Variants in ATXN1 observed in about 807,000 individuals in gnomAD.
ATXN1 encodes ataxin-1.
A neutral mutation model predicts 56.4 loss-of-function variants in ATXN1; 8 were observed. That is an observed-to-expected ratio of 0.14 (90% CI 0.08 to 0.26). ATXN1 has a LOEUF of 0.26. Among genes scored for constraint, ATXN1 ranks in the 10% least tolerant of loss-of-function variants. The pLI, the probability that ATXN1 is intolerant of heterozygous loss-of-function variation, is 1.00. For synonymous variants in ATXN1, 514 were observed against 494.6 expected (o/e 1.04, Z -0.52); for missense variants, 987 against 1,106.5 (o/e 0.89, Z 1.53).
In ATXN1 at chr6:16,633,197, TAA is replaced by T. The variant is rs1187779051; in HGVS notation, c.-489+24577_-489+24578del. ...TTAAAAGGAGGCATGTTTCACCTGT[TAA>T]CTTGTTTACTTCATAAGATTCTCTT... On this transcript the variant is annotated intron_variant, in intron 3 of 7. Transcript: ENST00000436367. Among the ~76,000 whole-genome samples, 9 of 152,362 alleles carry T rather than the reference TAA, an allele frequency of 5.9e-5. 2 individuals carry two copies. In the South Asian group the frequency reaches 1.9e-3, roughly 32 times the overall value.
chr6:16,482,002 T>C (rs1760449181), intron 6 of ATXN1, among the ~76,000 whole-genome samples: 1 of 151,086 alleles, frequency 6.6e-6, no homozygotes, highest in Non-Finnish European at 1.5e-5. Flanking sequence ...ACTCTACTGA[T>C]AGGTCTAGAA....
intron 5 of ATXN1, among the ~76,000 whole-genome samples, chr6:16,518,021 T>C (rs1761217741): frequency 6.6e-6 from 1 of 152,238 alleles, no homozygotes; most frequent in African/African-American, 2.4e-5. Context: ...ATACATGCAG[T>C]CCATGAGACC....
intron 5 of ATXN1, among the ~76,000 whole-genome samples, chr6:16,489,404 C>A (rs868622320): frequency 2.6e-5 from 4 of 151,982 alleles, no homozygotes; most frequent in Middle Eastern, 3.4e-3. Context: ...TCCACAAACT[C>A]AAAAAAAATT....
chr6:16,555,187 A>T (rs188420007), intron 4 of ATXN1, among the ~76,000 whole-genome samples: 1 of 151,954 alleles, frequency 6.6e-6, no homozygotes, highest in African/African-American at 2.4e-5. Flanking sequence ...TTTCCTACAA[A>T]CACTCCTTCA....
chr6:16,566,689 T>TA (rs532749176), intron 4 of ATXN1, among the ~76,000 whole-genome samples: 7 of 151,748 alleles, frequency 4.6e-5, no homozygotes, highest in Non-Finnish European at 7.4e-5. Flanking sequence ...CCGTCTCTAC[T>TA]AAAAATACAA....
intron 3 of ATXN1, among the ~76,000 whole-genome samples, chr6:16,595,643 C>G (rs1200986631): frequency 6.6e-6 from 1 of 152,172 alleles, no homozygotes; most frequent in Non-Finnish European, 1.5e-5. Flanking sequence ...TACTGGTTAA[C>G]TACAAAAAGC....
At chr6:16,429,432 T>TG (rs1208458064) in intron 6 of ATXN1, among the ~76,000 whole-genome samples, 1 of 148,328 alleles carries the variant, frequency 6.7e-6, no homozygotes, top group Non-Finnish European at 1.5e-5. Context: ...TTCGTTTTTT[T>TG]TTTTTTTTTT....
intron 6 of ATXN1, among the ~76,000 whole-genome samples, chr6:16,382,211 A>G (rs1306901083): frequency 6.6e-6 from 1 of 151,878 alleles, no homozygotes; most frequent in African/African-American, 2.4e-5. Context: ...CAGGCAGGAG[A>G]ATGGTGTGAA....
At chr6:16,545,561 T>C (rs2113721838) in intron 4 of ATXN1, among the ~76,000 whole-genome samples, 1 of 152,290 alleles carries the variant, frequency 6.6e-6, no homozygotes, top group South Asian at 2.1e-4. Context: ...AACAAACCTA[T>C]TTGCCTACTA....
intron 5 of ATXN1, among the ~76,000 whole-genome samples, chr6:16,490,165 A>C (rs1484488039): frequency 2.6e-5 from 4 of 151,636 alleles, no homozygotes; most frequent in Non-Finnish European, 1.5e-5. Flanking sequence ...AAAACCAAAC[A>C]ACAAAAAACT....
In ATXN1 at chr6:16,518,791, A is replaced by G. The variant is rs548954892; in HGVS notation, c.-299+3836T>C. ...CGCTAGACTGAGAAGTCTGATCCCA[A>G]AGACAAATTCAATACAGTGAATATT... On this transcript the variant is annotated intron_variant, in intron 5 of 7. Coordinates refer to ENST00000436367, the MANE Select transcript of ATXN1 (RefSeq NM_001128164.2). 3.3e-5 allele frequency among the ~76,000 whole-genome samples: 5 copies of G among 152,298 alleles called. No homozygotes were observed. The South Asian group carries it at 6.2e-4, about 19-fold the overall frequency.
chr6:16,416,497 A>T, intron 6 of ATXN1, among the ~76,000 whole-genome samples: 1 of 152,242 alleles, frequency 6.6e-6, no homozygotes, highest in African/African-American at 2.4e-5. Flanking sequence ...CCTGCCTTAC[A>T]GGGCTGTTGT....
chr6:16,756,089 T>C (rs1358459780), intron 1 of ATXN1, among the ~76,000 whole-genome samples: 6 of 152,034 alleles, frequency 3.9e-5, no homozygotes. Flanking sequence ...AAAGTTCAAA[T>C]TATGAGCGTT....
intron 6 of ATXN1, among the ~76,000 whole-genome samples, chr6:16,381,971 T>C (rs1051709345): frequency 6.6e-6 from 1 of 152,212 alleles, no homozygotes. Context: ...GAAAGTTTAT[T>C]CAAATAGATA....
chr6:16,531,331 G>A (rs528987731), intron 4 of ATXN1, among the ~76,000 whole-genome samples: 3 of 152,296 alleles, frequency 2.0e-5, no homozygotes, highest in East Asian at 3.9e-4. Context: ...ACTTTAAAAA[G>A]TGCAACCCAG....
At chr6:16,324,030 C>T (rs922116734) in intron 7 of ATXN1, among the ~76,000 whole-genome samples, 1 of 152,018 alleles carries the variant, frequency 6.6e-6, no homozygotes, top group Non-Finnish European at 1.5e-5. Context: ...GAAAAGTATT[C>T]AGGGCTAAAA....
At chr6:16,669,344 C>A (rs1758492123) in intron 2 of ATXN1, among the ~76,000 whole-genome samples, 1 of 151,644 alleles carries the variant, frequency 6.6e-6, no homozygotes, top group Admixed American at 6.5e-5. Flanking sequence ...AAACCTAACA[C>A]CCTGATCTTA....
chr6:16,563,210 G>A (rs991447697), intron 4 of ATXN1, among the ~76,000 whole-genome samples: 1 of 152,178 alleles, frequency 6.6e-6, no homozygotes, highest in Non-Finnish European at 1.5e-5. Context: ...GGTAAGTTTT[G>A]AAGAGACTGG....
At chr6:16,615,453 T>C (rs1247429239) in intron 3 of ATXN1, 1 of 146,162 alleles carries the variant, frequency 6.8e-6, no homozygotes, top group Non-Finnish European at 1.5e-5. Context: ...TGGTGACAAT[T>C]GGTGCACTCA....
Sources: allele counts gnomAD v4.1 joint callset (sites outside exome capture counted in the v4.1 genomes callset), GRCh38; gene constraint gnomAD v4.1.1; transcripts MANE v1.5; gene names NCBI Gene and HGNC (gene_info 2026-07-23, HGNC 2026-07-21).